The following ATP8A1 variants were observed in gnomAD, a reference collection of about 807,000 sequenced individuals.
The protein encoded by ATP8A1 is ATPase phospholipid transporting 8A1.
A neutral mutation model predicts 177.7 loss-of-function variants in ATP8A1; 90 were observed. The ratio of observed to expected loss-of-function variants is 0.51; its 90% CI spans 0.43 to 0.60. ATP8A1 has a LOEUF of 0.60. Ranked by LOEUF, ATP8A1 falls within the 20% of genes least tolerant of loss-of-function variation. The pLI, the probability that ATP8A1 is intolerant of heterozygous loss-of-function variation, is 0.00. For synonymous variants in ATP8A1, 493 were observed against 485.9 expected, an observed-to-expected ratio of 1.01 and a Z score of -0.19; for missense variants, 1,072 against 1,392.8, an observed-to-expected ratio of 0.77 and a Z score of 3.67.
chr4:42,600,210 T>C (rs553533779), intron 6 of ATP8A1, among the ~76,000 whole-genome samples: 1 of 152,264 alleles, frequency 6.6e-6, no homozygotes, highest in African/African-American at 2.4e-5. Context: ...AAACAGTTCA[T>C]GGTTAAATAA....
intron 27 of ATP8A1, among the ~76,000 whole-genome samples, chr4:42,461,897 C>T (rs10938194): frequency 0.3 from 45,638 of 152,110 alleles, 8,146 homozygotes; most frequent in East Asian, 0.59. Flanking sequence ...AGATGAAGAA[C>T]TTGCTGGTAA....
At chr4:42,625,824 G>A in intron 2 of ATP8A1, 111 bp from the exon 3 acceptor site, 1 of 518,826 alleles carries the variant, frequency 1.9e-6, no homozygotes, top group South Asian at 4.1e-5. Context: ...TTTGCCGGCT[G>A]TTTCAAATTG....
At position 42,485,920 on chromosome 4, in the gene ATP8A1, T is replaced by A. The variant is rs184405715; in HGVS notation, c.2152-252A>T. On this transcript the variant is annotated intron_variant, in intron 24 of 36. Coordinates refer to ENST00000381668, the MANE Select transcript of ATP8A1 (RefSeq NM_006095.2). ...AGCAGGGTTGGGACTAGACTATAAG[T>A]CACCTGTTTCTCAGGTGATTCTGTA... Among the ~76,000 whole-genome samples the A allele has an allele frequency of 4.1e-3, 620 of 152,318 alleles. 8 individuals are homozygous for A. The highest frequency in any genetic ancestry group is 0.014 in the African/African-American group (599 of 41,568).
At chr4:42,573,461 C>T (rs1439436929) in intron 14 of ATP8A1, among the ~76,000 whole-genome samples, 3 of 152,236 alleles carry the variant, frequency 2.0e-5, no homozygotes, top group Admixed American at 6.5e-5. Flanking sequence ...GAGCCTCTTA[C>T]ATCTAAGGAA....
At chr4:42,507,640 A>C (rs1724511200) in intron 22 of ATP8A1, among the ~76,000 whole-genome samples, 1 of 144,612 alleles carries the variant, frequency 6.9e-6, no homozygotes, top group Admixed American at 7.4e-5. Flanking sequence ...GAGGCAGGAG[A>C]ACCTCTTGAA....
intron 15 of ATP8A1, among the ~76,000 whole-genome samples, chr4:42,559,768 C>T (rs1730622714): frequency 6.6e-6 from 1 of 152,186 alleles, no homozygotes. Flanking sequence ...TGCAGTGACA[C>T]AATCTCAGCT....
rs975908755 is a variant in ATP8A1, at chr4:42,500,258, G to C, written c.2151+3192C>G. Reference sequence around the variant, plus strand: ...TGAATGCCTGTGATCCCAGCTACTCGGGAGGCTGAGTCAGGAGAATCGCTT... The same window carrying C: ...TGAATGCCTGTGATCCCAGCTACTCCGGAGGCTGAGTCAGGAGAATCGCTT... On this transcript the variant is annotated intron_variant, in intron 24 of 36. Coordinates refer to ENST00000381668, the MANE Select transcript of ATP8A1 (RefSeq NM_006095.2). Among the ~76,000 whole-genome samples the C allele has an allele frequency of 2.0e-5, 3 of 152,074 alleles. No individual in the cohort carries two copies. The East Asian group carries it at 5.8e-4, about 29-fold the overall frequency.
intron 25 of ATP8A1, among the ~76,000 whole-genome samples, chr4:42,474,211 AG>A (rs1720806018): frequency 6.6e-6 from 1 of 152,218 alleles, no homozygotes; most frequent in Non-Finnish European, 1.5e-5. Flanking sequence ...TTGGGGCGAC[AG>A]GAAGTGGTGA....
rs541360549 is a variant in ATP8A1, at chr4:42,591,007, A to T, written c.451-123T>A. The T allele has an allele frequency of 6.5e-5, 55 of 847,492 alleles. 1 individual carries two copies. In the East Asian group the frequency reaches 1.5e-3, roughly 22 times the overall value. 52.5% of individuals were successfully genotyped at this position (847,492 alleles called of 1,614,324 possible). ...ATTATTATAGAAAATAATACATGTT[A>T]ATAAAAACATCTAATGCCAATTTTT... On this transcript the variant is annotated intron_variant, in intron 6 of 36. Transcript: ENST00000381668.
At chr4:42,623,479 C>T (rs761403663) in intron 4 of ATP8A1, among the ~76,000 whole-genome samples, 10 of 152,076 alleles carry the variant, frequency 6.6e-5, no homozygotes, top group Admixed American at 2.6e-4. Context: ...ATAAACAAAA[C>T]GCGGTACATA....
At position 42,525,408 on chromosome 4, in the gene ATP8A1, T is replaced by TTTC. The variant is rs1438183205; in HGVS notation, c.1723-562_1723-561insGAA. Among the ~76,000 whole-genome samples the TTTC allele has an allele frequency of 3.4e-5, 5 of 146,212 alleles. No homozygotes were observed. In the East Asian group the frequency reaches 1.1e-3, roughly 31 times the overall value. On this transcript the variant is annotated intron_variant, in intron 20 of 36. Coordinates refer to ENST00000381668, the MANE Select transcript of ATP8A1 (RefSeq NM_006095.2). The stretch of plus-strand genomic sequence containing the variant: ...GACCAGTGCTCACAGAAGAACAAAC[T>TTTC]TTAATACAGGACTAAATCCACTGAG...
intron 22 of ATP8A1, among the ~76,000 whole-genome samples, chr4:42,507,851 T>G (rs1416486958): frequency 8.5e-6 from 1 of 117,556 alleles, no homozygotes; most frequent in Admixed American, 1.1e-4. Context: ...GAAGATGCAA[T>G]CTTGCTGACC....
chr4:42,650,637 C>A (rs1422240848), intron 1 of ATP8A1, among the ~76,000 whole-genome samples: 2 of 152,138 alleles, frequency 1.3e-5, no homozygotes, highest in African/African-American at 4.8e-5. Flanking sequence ...TTTAGAAAAA[C>A]AATTCCTAAA....
At chr4:42,504,433 G>A (rs1417747864) in intron 23 of ATP8A1, among the ~76,000 whole-genome samples, 2 of 152,106 alleles carry the variant, frequency 1.3e-5, no homozygotes, top group East Asian at 1.9e-4. Context: ...TCCATCCTTC[G>A]GATGCTAAGG....
intron 1 of ATP8A1, among the ~76,000 whole-genome samples, chr4:42,636,182 T>C (rs1739373763): frequency 8.7e-6 from 1 of 115,264 alleles, no homozygotes; most frequent in Admixed American, 8.5e-5. Flanking sequence ...ATAAGCTTCT[T>C]AAGCTGGATC....
chr4:42,455,439 C>A lies in ATP8A1; in HGVS notation c.2695-20G>T. 6.2e-7 allele frequency: 1 copy of A among 1,613,664 alleles called. No individual in the cohort carries two copies. The highest frequency in any genetic ancestry group is 1.1e-5 in the South Asian group (1 of 90,964). On this transcript the variant is annotated intron_variant, in intron 28 of 36. Coordinates refer to ENST00000381668, the MANE Select transcript of ATP8A1 (RefSeq NM_006095.2). ...AAACATCTAAAGCGCACAAACTGGT[C>A]ATTATGTCAAGCAGCCAAATGCAGG... is the stretch of plus-strand genomic sequence containing the variant.
intron 1 of ATP8A1, among the ~76,000 whole-genome samples, chr4:42,635,780 C>CATATATATATAT (rs1317800276): frequency 0.012 from 537 of 43,190 alleles, 4 homozygotes; most frequent in Non-Finnish European, 0.017. Flanking sequence ...CACACACACA[C>CATATATATATAT]ACATATATAT....
At chr4:42,601,767 C>A (rs1417572037) in intron 5 of ATP8A1, among the ~76,000 whole-genome samples, 2 of 152,050 alleles carry the variant, frequency 1.3e-5, no homozygotes, top group African/African-American at 4.8e-5. Flanking sequence ...TTGCAAAATG[C>A]ATAATTTATA....
At chr4:42,517,447 G>C (rs917240697) in intron 22 of ATP8A1, among the ~76,000 whole-genome samples, 1 of 152,150 alleles carries the variant, frequency 6.6e-6, no homozygotes, top group Non-Finnish European at 1.5e-5. Flanking sequence ...TAAAGAATGA[G>C]ACCACTGTAA....
Sources: gnomAD v4.1 joint callset for allele counts (sites outside exome capture counted in the v4.1 genomes callset) on GRCh38, gnomAD v4.1.1 for gene constraint, MANE v1.5 for transcripts, NCBI Gene and HGNC (gene_info 2026-07-23, HGNC 2026-07-21) for gene names.